FHIT: variants seen among roughly 807,000 people sequenced by gnomAD.
FHIT encodes bis(5'-adenosyl)-triphosphatase.
In FHIT, 19 loss-of-function variants were observed where a neutral mutation model predicts 17.9. The observed-to-expected ratio is 1.06, with a 90% confidence interval of 0.74 to 1.56. The LOEUF is 1.56. Among genes scored for constraint, FHIT ranks in the 40% most tolerant of loss-of-function variants. The pLI is 0.00. For missense variants in FHIT, 248 were observed against 189.2 expected (o/e 1.31, Z -1.82); for synonymous variants, 81 against 69.7 (o/e 1.16, Z -0.81).
At chr3:60,402,302 A>G (rs1202191604) in intron 5 of FHIT, among the ~76,000 whole-genome samples, 1 of 152,206 alleles carries the variant, frequency 6.6e-6, no homozygotes, top group Non-Finnish European at 1.5e-5. Context: ...AGTTTTCCAA[A>G]GAGCACGTGG....
At chr3:60,652,097 A>G (rs2107808381) in intron 4 of FHIT, among the ~76,000 whole-genome samples, 1 of 152,292 alleles carries the variant, frequency 6.6e-6, no homozygotes, top group East Asian at 1.9e-4. Flanking sequence ...TGGTTATTCC[A>G]GAAAGAATCG....
At chr3:60,338,907 G>A (rs780084195) in intron 5 of FHIT, among the ~76,000 whole-genome samples, 10 of 152,206 alleles carry the variant, frequency 6.6e-5, no homozygotes, top group African/African-American at 1.4e-4. Flanking sequence ...AAACCTCAGC[G>A]CACTACTTAA....
At chr3:60,911,709 C>G (rs1264222792) in intron 3 of FHIT, among the ~76,000 whole-genome samples, 3 of 152,096 alleles carry the variant, frequency 2.0e-5, no homozygotes, top group Admixed American at 1.3e-4. Context: ...ATACCAGAGT[C>G]TTTTTTATGG....
chr3:60,724,728 A>T (rs2041882119), intron 4 of FHIT, among the ~76,000 whole-genome samples: 1 of 147,060 alleles, frequency 6.8e-6, no homozygotes, highest in Admixed American at 7.0e-5. Context: ...GACTCACTGC[A>T]ACCACCACCT....
At chr3:60,284,466 C>G (rs1707619910) in intron 5 of FHIT, among the ~76,000 whole-genome samples, 1 of 152,088 alleles carries the variant, frequency 6.6e-6, no homozygotes, top group South Asian at 2.1e-4. Context: ...ACCTATCCCA[C>G]TTGCCTGTAT....
At chr3:60,065,928 A>T (rs1480996377) in intron 5 of FHIT, among the ~76,000 whole-genome samples, 3 of 152,186 alleles carry the variant, frequency 2.0e-5, no homozygotes, top group Non-Finnish European at 4.4e-5. Context: ...GGTTCCAGGA[A>T]ATAGGGTGGC....
Position 59,806,618 on chromosome 3 carries a change from T to G in FHIT, c.349-54297A>C, listed in dbSNP as rs1305004583. On this transcript the variant is annotated intron_variant, in intron 8 of 9. Coordinates refer to ENST00000492590, the MANE Select transcript of FHIT (RefSeq NM_002012.4). ...AGCAGTTGAGCAAATCATATATATATATATGGGTACAGGGTTTATATATAT... is the reference window on the plus strand; with the variant it reads ...AGCAGTTGAGCAAATCATATATATAGATATGGGTACAGGGTTTATATATAT... 4.2e-5 allele frequency among the ~76,000 whole-genome samples: 6 copies of G among 144,158 alleles called. No homozygotes were observed. In the East Asian group the frequency reaches 1.2e-3, roughly 29 times the overall value. 94.6% of individuals were successfully genotyped at this position (144,158 alleles called of 152,430 possible).
intron 7 of FHIT, among the ~76,000 whole-genome samples, chr3:59,967,717 C>A (rs1473934351): frequency 6.6e-6 from 1 of 151,902 alleles, no homozygotes; most frequent in Non-Finnish European, 1.5e-5. Context: ...TTGGATAAGC[C>A]CAGTAGATCC....
intron 7 of FHIT, among the ~76,000 whole-genome samples, chr3:60,008,918 C>G (rs1158365755): frequency 2.0e-5 from 3 of 152,098 alleles, no homozygotes; most frequent in Non-Finnish European, 4.4e-5. Context: ...CTGAGGCTGG[C>G]AAATATCTAT....
At chr3:60,321,997 C>A (rs1709454491) in intron 5 of FHIT, among the ~76,000 whole-genome samples, 1 of 152,222 alleles carries the variant, frequency 6.6e-6, no homozygotes, top group African/African-American at 2.4e-5. Context: ...CAACATATAA[C>A]TTTTGGAAGA....
At chr3:60,854,911 T>G (rs1429346044) in intron 3 of FHIT, among the ~76,000 whole-genome samples, 1 of 152,136 alleles carries the variant, frequency 6.6e-6, no homozygotes, top group Non-Finnish European at 1.5e-5. Context: ...AACCAATGCC[T>G]ACCATACACA....
chr3:60,201,009 A>G (rs566346667), intron 5 of FHIT, among the ~76,000 whole-genome samples: 3 of 152,262 alleles, frequency 2.0e-5, no homozygotes, highest in Admixed American at 1.3e-4. Context: ...AGAACTTACT[A>G]AAGTTCAGCT....
chr3:59,924,022 G>A (rs1705538275), intron 7 of FHIT, among the ~76,000 whole-genome samples: 1 of 152,132 alleles, frequency 6.6e-6, no homozygotes, highest in South Asian at 2.1e-4. Context: ...CAAAGATTAC[G>A]TGAGCATGGA....
intron 5 of FHIT, among the ~76,000 whole-genome samples, chr3:60,413,541 G>A (rs1405859356): frequency 6.6e-6 from 1 of 152,134 alleles, no homozygotes; most frequent in South Asian, 2.1e-4. Context: ...CTCAATAAGT[G>A]CATGTTAGGT....
chr3:60,190,032 T>C (rs1702332608), intron 5 of FHIT, among the ~76,000 whole-genome samples: 1 of 152,222 alleles, frequency 6.6e-6, no homozygotes, highest in African/African-American at 2.4e-5. Flanking sequence ...CATTCAGCTT[T>C]GAAACATGTT....
chr3:60,286,224 G>T (rs1707723032), intron 5 of FHIT, among the ~76,000 whole-genome samples: 1 of 152,134 alleles, frequency 6.6e-6, no homozygotes. Flanking sequence ...TGCAGGTGTG[G>T]CCACTTTTGG....
intron 5 of FHIT, among the ~76,000 whole-genome samples, chr3:60,514,914 C>T (rs1171413884): frequency 1.8e-4 from 28 of 151,962 alleles, no homozygotes; most frequent in Admixed American, 1.8e-3. Context: ...TTTGGTGTCT[C>T]ACTCAGAGGA....
chr3:61,220,636 G>A (rs1004843584), intron 1 of FHIT, among the ~76,000 whole-genome samples: 3 of 152,052 alleles, frequency 2.0e-5, no homozygotes, highest in East Asian at 1.9e-4. Flanking sequence ...GCAATAATAC[G>A]GACCACATCT....
intron 5 of FHIT, among the ~76,000 whole-genome samples, chr3:60,160,286 A>G (rs1700885315): frequency 6.6e-6 from 1 of 152,248 alleles, no homozygotes; most frequent in Non-Finnish European, 1.5e-5. Flanking sequence ...ACATCCTCCA[A>G]CCGCTAGATG....
Sources: allele counts gnomAD v4.1 joint callset (sites outside exome capture counted in the v4.1 genomes callset), GRCh38; gene constraint gnomAD v4.1.1; transcripts MANE v1.5; gene names NCBI Gene and HGNC (gene_info 2026-07-23, HGNC 2026-07-21).